KHDRBS2: variants seen among roughly 807,000 people sequenced by gnomAD.
KHDRBS2 encodes KH RNA binding domain containing, signal transduction associated 2.
In KHDRBS2, 26 loss-of-function variants were observed where a neutral mutation model predicts 44.3. That is an observed-to-expected ratio of 0.59 (90% CI 0.43 to 0.81). The LOEUF (loss-of-function observed/expected upper bound fraction) is 0.81. Ranked by LOEUF, KHDRBS2 falls within the 40% of genes least tolerant of loss-of-function variation. The pLI is 0.00. For synonymous variants in KHDRBS2, 194 were observed against 151.1 expected, an observed-to-expected ratio of 1.28 and a Z score of -2.08; for missense variants, 476 against 433.1, an observed-to-expected ratio of 1.10 and a Z score of -0.88.
chr6:61,813,859 G>A, intron 6 of KHDRBS2: 1 of 452,754 alleles, frequency 2.2e-6, no homozygotes, highest in South Asian at 1.6e-5. Flanking sequence ...CCAGTGCATA[G>A]AAGTAGTAGT....
the KHDRBS2 span, among the ~76,000 whole-genome samples, chr6:61,595,095 T>C: frequency 1.3e-5 from 2 of 152,164 alleles, no homozygotes; most frequent in African/African-American, 4.8e-5. Context: ...CCACAATCTT[T>C]TACTATTTCT....
At chr6:61,671,138 C>T in the KHDRBS2 span, among the ~76,000 whole-genome samples, 62 of 151,560 alleles carry the variant, frequency 4.1e-4, no homozygotes, top group African/African-American at 1.5e-3. Context: ...AGACAAAAGA[C>T]AATGAGACAG....
At chr6:61,581,212 A>G in the KHDRBS2 span, among the ~76,000 whole-genome samples, 1 of 152,014 alleles carries the variant, frequency 6.6e-6, no homozygotes, top group Non-Finnish European at 1.5e-5. Context: ...GTGCATTGCC[A>G]TGCAAATGTG....
intron 2 of KHDRBS2, among the ~76,000 whole-genome samples, chr6:62,081,857 T>C (rs1797462516): frequency 6.6e-6 from 1 of 152,038 alleles, no homozygotes; most frequent in South Asian, 2.1e-4. Flanking sequence ...AGAGAAATTA[T>C]ATATAATATT....
intron 1 of KHDRBS2, among the ~76,000 whole-genome samples, chr6:62,205,099 T>C (rs906470193): frequency 1.3e-5 from 2 of 152,118 alleles, no homozygotes; most frequent in African/African-American, 4.8e-5. Context: ...TTGAAGTTCA[T>C]CTTGTGTAAC....
rs1800504848 is a variant in KHDRBS2, at chr6:62,095,945, CA to C, written c.220-47952del. Reference sequence around the variant, plus strand: ...ATCATAAAGGGATGTGGAATTTTATCAAATGTTTTTTTATTCATCTATTCGG... The same window carrying C: ...ATCATAAAGGGATGTGGAATTTTATCAATGTTTTTTTATTCATCTATTCGG... On this transcript the variant is annotated intron_variant, in intron 2 of 8. Coordinates refer to ENST00000281156, the MANE Select transcript of KHDRBS2 (RefSeq NM_152688.4). 3.3e-5 allele frequency among the ~76,000 whole-genome samples: 5 copies of C among 151,838 alleles called. 1 individual carries two copies. The South Asian group carries it at 1.0e-3, about 31-fold the overall frequency.
At chr6:61,978,005 A>T in intron 4 of KHDRBS2, 61 bp downstream of exon 4, 1 of 1,350,460 alleles carries the variant, frequency 7.4e-7, no homozygotes, top group Non-Finnish European at 1.0e-6. Flanking sequence ...TGAAGATCAA[A>T]GGTGCATTTT....
At chr6:62,214,293 A>T (rs1297037788) in intron 1 of KHDRBS2, among the ~76,000 whole-genome samples, 1 of 152,170 alleles carries the variant, frequency 6.6e-6, no homozygotes, top group Non-Finnish European at 1.5e-5. Context: ...TTATATATCA[A>T]ATTAGAACAG....
At chr6:62,230,263 T>C (rs1431849611) in intron 1 of KHDRBS2, among the ~76,000 whole-genome samples, 1 of 152,228 alleles carries the variant, frequency 6.6e-6, no homozygotes, top group Non-Finnish European at 1.5e-5. Flanking sequence ...TTCTGAGTTA[T>C]ATTTAGCAGG....
chr6:61,945,102 AAAAAAAAAAAGTATATATAT>A (rs1192515536), intron 4 of KHDRBS2, among the ~76,000 whole-genome samples: 13 of 71,604 alleles, frequency 1.8e-4, no homozygotes, highest in African/African-American at 8.2e-4. Flanking sequence ...AAAAAAAAAA[AAAAAAAAAAAGTATATATAT>A]ATATATATAT....
At chr6:61,939,445 C>T (rs1193142779) in intron 4 of KHDRBS2, among the ~76,000 whole-genome samples, 1 of 152,134 alleles carries the variant, frequency 6.6e-6, no homozygotes, top group Non-Finnish European at 1.5e-5. Context: ...GCTCCATCAG[C>T]CCAAGGATCT....
intron 2 of KHDRBS2, among the ~76,000 whole-genome samples, chr6:62,074,356 C>G (rs539741906): frequency 6.6e-5 from 10 of 151,858 alleles, no homozygotes; most frequent in Non-Finnish European, 1.0e-4. Flanking sequence ...TCTCCCATAA[C>G]AAGTTTCCCT....
In KHDRBS2 at chr6:62,085,081, C is replaced by T. The variant is rs1341807767; in HGVS notation, c.220-37087G>A. On this transcript the variant is annotated intron_variant, in intron 2 of 8. Transcript: ENST00000281156. ...CCAAGAAATCACATTTTAAATATTACTCTATTAGAATTCTAAAGGAGTGCT... is the reference window on the plus strand; with the variant it reads ...CCAAGAAATCACATTTTAAATATTATTCTATTAGAATTCTAAAGGAGTGCT... Among the ~76,000 whole-genome samples the T allele has an allele frequency of 2.0e-5, 3 of 152,096 alleles. No individual in the cohort carries two copies. The East Asian group carries it at 5.8e-4, about 29-fold the overall frequency.
At chr6:61,687,106 G>T (rs1766899799) in intron 8 of KHDRBS2, among the ~76,000 whole-genome samples, 4 of 151,604 alleles carry the variant, frequency 2.6e-5, no homozygotes, top group African/African-American at 4.8e-5. Context: ...TAATTATATA[G>T]TTTATTATTT....
At chr6:61,962,574 C>A (rs1477108053) in intron 4 of KHDRBS2, among the ~76,000 whole-genome samples, 1 of 151,998 alleles carries the variant, frequency 6.6e-6, no homozygotes, top group Non-Finnish European at 1.5e-5. Context: ...TGTAGAAGAT[C>A]CACTAACTTT....
intron 4 of KHDRBS2, among the ~76,000 whole-genome samples, chr6:61,958,233 T>C (rs1215297125): frequency 6.6e-6 from 1 of 152,140 alleles, no homozygotes; most frequent in Non-Finnish European, 1.5e-5. Flanking sequence ...CAATTTCCAT[T>C]TTCTTAACTG....
intron 4 of KHDRBS2, among the ~76,000 whole-genome samples, chr6:61,947,079 T>A (rs1187201161): frequency 6.6e-6 from 1 of 152,214 alleles, no homozygotes; most frequent in Non-Finnish European, 1.5e-5. Flanking sequence ...AGATCAAGAA[T>A]GAAGAAGATC....
At chr6:61,967,531 T>C (rs1463520407) in intron 4 of KHDRBS2, among the ~76,000 whole-genome samples, 1 of 151,436 alleles carries the variant, frequency 6.6e-6, no homozygotes, top group Non-Finnish European at 1.5e-5. Flanking sequence ...AAAGGGTCAG[T>C]GGGGAAAGGA....
chr6:62,223,404 C>T (rs1042326099), intron 1 of KHDRBS2, among the ~76,000 whole-genome samples: 2 of 152,208 alleles, frequency 1.3e-5, no homozygotes, highest in African/African-American at 4.8e-5. Flanking sequence ...TCATTTTCTC[C>T]TAGGCCTCTG....
Sources: allele counts gnomAD v4.1 joint callset (sites outside exome capture counted in the v4.1 genomes callset), GRCh38; gene constraint gnomAD v4.1.1; transcripts MANE v1.5; gene names NCBI Gene and HGNC (gene_info 2026-07-23, HGNC 2026-07-21).